The following IGSF11 variants were observed in gnomAD, a reference collection of about 807,000 sequenced individuals.
The protein encoded by IGSF11 is CXADR like 1.
In IGSF11, 22 loss-of-function variants were observed where a neutral mutation model predicts 41.0. The ratio of observed to expected loss-of-function variants is 0.54; its 90% CI spans 0.38 to 0.77. The LOEUF (loss-of-function observed/expected upper bound fraction) is 0.77, where lower values mean the gene tolerates loss of function less well. Ranked by LOEUF, IGSF11 falls within the 30% of genes least tolerant of loss-of-function variation. The probability of loss-of-function intolerance (pLI) is 0.00; values close to 1 mark genes in which losing one functional copy is unlikely to be tolerated. For missense variants in IGSF11, 444 were observed against 530.8 expected (o/e 0.84, Z 1.61); for synonymous variants, 219 against 201.3 (o/e 1.09, Z -0.74).
At chr3:119,134,047 T>A (rs868123743) in intron 1 of IGSF11, among the ~76,000 whole-genome samples, 6 of 152,140 alleles carry the variant, frequency 3.9e-5, no homozygotes, top group South Asian at 4.1e-4. Flanking sequence ...ATAAACTAGG[T>A]ATTGATGGAA....
chr3:119,060,791 C>A (rs960033708), intron 1 of IGSF11, among the ~76,000 whole-genome samples: 8 of 152,164 alleles, frequency 5.3e-5, no homozygotes, highest in Non-Finnish European at 1.2e-4. Flanking sequence ...AACTGATAAC[C>A]TTTCTGCTAC....
chr3:118,974,785 T>C (rs1000121460), intron 1 of IGSF11, among the ~76,000 whole-genome samples: 1 of 152,226 alleles, frequency 6.6e-6, no homozygotes, highest in Non-Finnish European at 1.5e-5. Context: ...TCTTCTTTCA[T>C]TCTACAATCT....
chr3:118,953,771 G>A (rs1944758307), intron 1 of IGSF11, among the ~76,000 whole-genome samples: 1 of 152,046 alleles, frequency 6.6e-6, no homozygotes, highest in Admixed American at 6.6e-5. Flanking sequence ...TTGCTAATTT[G>A]TTTGAGTTCC....
chr3:118,922,778 C>G (rs980959090), intron 4 of IGSF11, among the ~76,000 whole-genome samples: 1 of 152,138 alleles, frequency 6.6e-6, no homozygotes, highest in African/African-American at 2.4e-5. Flanking sequence ...CCAGCAGATT[C>G]AGTGTCTGGT....
intron 1 of IGSF11, among the ~76,000 whole-genome samples, chr3:118,989,077 C>T (rs955788637): frequency 6.6e-6 from 1 of 152,142 alleles, no homozygotes; most frequent in Non-Finnish European, 1.5e-5. Flanking sequence ...TACTGATTAA[C>T]CCTGTGTCAT....
chr3:119,014,055 T>C (rs577782450), intron 1 of IGSF11, among the ~76,000 whole-genome samples: 1 of 152,352 alleles, frequency 6.6e-6, no homozygotes, highest in South Asian at 2.1e-4. Context: ...AAGCTGAGCT[T>C]CATCTAAGTC....
intron 1 of IGSF11, among the ~76,000 whole-genome samples, chr3:118,984,054 C>G (rs999580951): frequency 6.6e-6 from 1 of 151,962 alleles, no homozygotes; most frequent in Non-Finnish European, 1.5e-5. Flanking sequence ...TATCTAGATT[C>G]ATTCAGCCCC....
intron 1 of IGSF11, among the ~76,000 whole-genome samples, chr3:119,058,289 C>A (rs555991243): frequency 0.029 from 4,382 of 152,150 alleles, 175 homozygotes; most frequent in African/African-American, 0.099. Context: ...AAAAAACAAA[C>A]AACCCCATCA....
intron 1 of IGSF11, among the ~76,000 whole-genome samples, chr3:119,094,276 T>C (rs560883026): frequency 1.1e-5 from 1 of 89,976 alleles, no homozygotes; most frequent in South Asian, 4.0e-4. Context: ...AGTAAATAAA[T>C]ATTACTCATT....
chr3:119,028,024 C>T (rs1046862177), intron 1 of IGSF11, among the ~76,000 whole-genome samples: 2 of 151,674 alleles, frequency 1.3e-5, no homozygotes, highest in African/African-American at 4.9e-5. Flanking sequence ...CCCATGGGAG[C>T]TAACAGAAGT....
chr3:119,121,082 G>T (rs985163813), intron 1 of IGSF11, among the ~76,000 whole-genome samples: 1 of 152,028 alleles, frequency 6.6e-6, no homozygotes, highest in Non-Finnish European at 1.5e-5. Flanking sequence ...AACCTTAGGG[G>T]ATAGAAGAAT....
At chr3:118,980,059 GGTT>G (rs1934549487) in intron 1 of IGSF11, among the ~76,000 whole-genome samples, 1 of 152,088 alleles carries the variant, frequency 6.6e-6, no homozygotes, top group African/African-American at 2.4e-5. Context: ...TCACACTGTT[GGTT>G]GTAATGTAAA....
intron 1 of IGSF11, among the ~76,000 whole-genome samples, chr3:119,003,667 C>T (rs1559774094): frequency 6.6e-6 from 1 of 151,734 alleles, no homozygotes; most frequent in African/African-American, 2.4e-5. Context: ...GAGTTTTTAG[C>T]ATGAAGGGTT....
intron 1 of IGSF11, among the ~76,000 whole-genome samples, chr3:118,999,080 A>G (rs1032705314): frequency 6.6e-5 from 10 of 152,054 alleles, no homozygotes; most frequent in Admixed American, 5.2e-4. Context: ...TAGACTGTAT[A>G]TGGGTAATAT....
At chr3:119,134,423 G>C (rs565728826) in intron 1 of IGSF11, among the ~76,000 whole-genome samples, 1 of 152,174 alleles carries the variant, frequency 6.6e-6, no homozygotes, top group South Asian at 2.1e-4. Context: ...ACCAATAACA[G>C]ACAAACAGAG....
chr3:119,076,484 A>T (rs1010232274), intron 1 of IGSF11, among the ~76,000 whole-genome samples: 5 of 152,114 alleles, frequency 3.3e-5, no homozygotes, highest in African/African-American at 1.2e-4. Flanking sequence ...AACCTACAGA[A>T]TGGGAGAAAA....
At chr3:119,099,656 G>A (rs943476067) in intron 1 of IGSF11, among the ~76,000 whole-genome samples, 2 of 152,212 alleles carry the variant, frequency 1.3e-5, no homozygotes, top group African/African-American at 2.4e-5. Flanking sequence ...GCAGTGGCAA[G>A]TGTATTCAGA....
At chr3:118,984,553 G>A (rs1935069571) in intron 1 of IGSF11, among the ~76,000 whole-genome samples, 1 of 152,022 alleles carries the variant, frequency 6.6e-6, no homozygotes, top group African/African-American at 2.4e-5. Flanking sequence ...AAGAAGGGAA[G>A]GAGGAAGACA....
chr3:118,950,774 A>G (rs1444591429), intron 1 of IGSF11, among the ~76,000 whole-genome samples: 1 of 152,156 alleles, frequency 6.6e-6, no homozygotes, highest in Non-Finnish European at 1.5e-5. Flanking sequence ...CCCCTATGGA[A>G]TTTTCTCCTC....
Sources: allele counts gnomAD v4.1 joint callset (sites outside exome capture counted in the v4.1 genomes callset), GRCh38; gene constraint gnomAD v4.1.1; transcripts MANE v1.5; gene names NCBI Gene and HGNC (gene_info 2026-07-23, HGNC 2026-07-21).